The following COL4A4 variants were observed in gnomAD, a reference collection of about 807,000 sequenced individuals.
COL4A4 encodes the protein collagen alpha-4(IV) chain.
COL4A4 carries 105 observed loss-of-function variants against 192.9 expected under a neutral mutation model. That is an observed-to-expected ratio of 0.54 (90% CI 0.46 to 0.64). COL4A4 has a LOEUF of 0.64. COL4A4 is among the 30% of genes least tolerant of loss of function. COL4A4 has a pLI of 0.00. For missense variants in COL4A4, 1,967 were observed against 2,169.3 expected (o/e 0.91, Z 1.85); for synonymous variants, 762 against 769.9 (o/e 0.99, Z 0.17).
chr2:227,113,916 G>T (rs754849555), intron 8 of COL4A4, among the ~76,000 whole-genome samples: 3 of 152,154 alleles, frequency 2.0e-5, no homozygotes, highest in Non-Finnish European at 4.4e-5. Flanking sequence ...AACATGGGCT[G>T]TATTTTCCTG....
chr2:227,051,261 A>G, intron 32 of COL4A4, 103 bp from the exon 33 acceptor site: 4 of 1,212,982 alleles, frequency 3.3e-6, no homozygotes, highest in Non-Finnish European at 4.9e-6. Context: ...AGCCAAAGGT[A>G]TTGAGGATTC....
In COL4A4 at chr2:227,060,382, G is replaced by A. The variant is rs1467500902; in HGVS notation, c.2057-139C>T. 273 of 610,258 alleles carry A rather than the reference G, an allele frequency of 4.5e-4. 1 individual carries two copies. Among genetic ancestry groups the A allele is most frequent in the Non-Finnish European group, 2.5e-5 (9 of 355,222 alleles). The allele number at this position is 610,258 out of a possible 1,614,324, so 37.8% of individuals were successfully genotyped here. A position where few individuals can be genotyped will look rare whatever the true frequency, so the allele number is the denominator to read the frequency against. On this transcript the variant is annotated intron_variant, in intron 26 of 47. Transcript: ENST00000396625. ...TGGAAGTAAGGATGTTGCCTATCCC[G>A]ATTTACAAAAATATATTGTAAGTCA...
At chr2:227,080,603 GGATA>G in intron 23 of COL4A4, 54 bp from the exon 24 acceptor site, 1 of 1,453,698 alleles carries the variant, frequency 6.9e-7, no homozygotes, top group Non-Finnish European at 9.6e-7. Context: ...GGGTAAAGTA[GGATA>G]GAGAGGACAA....
intron 42 of COL4A4, among the ~76,000 whole-genome samples, chr2:227,027,227 G>A (rs538086162): frequency 4.6e-4 from 68 of 148,068 alleles, no homozygotes; most frequent in Middle Eastern, 3.6e-3. Flanking sequence ...ACTCCAGCCT[G>A]GATGACAGAG....
Position 227,055,927 on chromosome 2 carries a change from G to A in COL4A4, c.2716+18C>T, listed in dbSNP as rs1409399959. 6.2e-7 allele frequency: 1 copy of A among 1,608,238 alleles called. No individual in the cohort carries two copies. Among genetic ancestry groups the A allele is most frequent in the Non-Finnish European group, 8.5e-7 (1 of 1,176,910 alleles). Reference sequence around the variant, plus strand: ...TGTTTCTAAGATGGGAGGACATCATGGAAAAAGCACTACCTACCCTTTGGA... The same window carrying A: ...TGTTTCTAAGATGGGAGGACATCATAGAAAAAGCACTACCTACCCTTTGGA... On this transcript the variant is annotated intron_variant, in intron 30 of 47. Transcript: ENST00000396625.
At chr2:226,995,739 A>C in the COL4A4 span, 1 of 570,818 alleles carries the variant, frequency 1.8e-6, no homozygotes, top group Non-Finnish European at 3.1e-6. Flanking sequence ...TCTTGCTCAT[A>C]AACAGGTCAC....
At chr2:227,101,446 G>T (rs1259246689) in intron 17 of COL4A4, 58 bp downstream of exon 17, 4 of 1,282,154 alleles carry the variant, frequency 3.1e-6, no homozygotes, top group Non-Finnish European at 4.3e-6. Flanking sequence ...AAATAAATTA[G>T]ATAATATTAA....
At chr2:226,995,824 C>A in the COL4A4 span, 1 of 353,726 alleles carries the variant, frequency 2.8e-6, no homozygotes. Flanking sequence ...CCTCGGTCTG[C>A]TTTTGAAGAC....
At chr2:226,985,810 T>A in the COL4A4 span, among the ~76,000 whole-genome samples, 1 of 152,246 alleles carries the variant, frequency 6.6e-6, no homozygotes, top group Admixed American at 6.5e-5. Context: ...TCCAGACCAC[T>A]ATATCCTACT....
At chr2:227,017,241 T>C (rs1965083193) in intron 44 of COL4A4, among the ~76,000 whole-genome samples, 1 of 152,186 alleles carries the variant, frequency 6.6e-6, no homozygotes, top group South Asian at 2.1e-4. Context: ...CCAGACGTTA[T>C]CACGTGGGCT....
intron 4 of COL4A4, among the ~76,000 whole-genome samples, chr2:227,133,998 T>TA (rs2062655825): frequency 6.6e-6 from 1 of 152,246 alleles, no homozygotes; most frequent in South Asian, 2.1e-4. Flanking sequence ...GCAAGTTTTT[T>TA]ATTCTTCAGA....
intron 44 of COL4A4, among the ~76,000 whole-genome samples, 184 bp from the exon 45 acceptor site, chr2:227,012,481 T>G (rs1327979258): frequency 6.6e-6 from 1 of 152,150 alleles, no homozygotes; most frequent in Non-Finnish European, 1.5e-5. Flanking sequence ...CCACTTGCAG[T>G]TGGCGTAACT....
At chr2:226,988,381 A>G in the COL4A4 span, 1 of 1,550,476 alleles carries the variant, frequency 6.4e-7, no homozygotes, top group Non-Finnish European at 8.7e-7. Context: ...ACCCCAAGAT[A>G]AAGGTCAGAA....
chr2:227,094,364 T>C (rs2150689085), intron 19 of COL4A4, 75 bp from the exon 20 acceptor site: 1 of 1,464,858 alleles, frequency 6.8e-7, no homozygotes, highest in African/African-American at 1.4e-5. Context: ...TCAAGATTGG[T>C]ACACACTTGC....
intron 30 of COL4A4, 59 bp downstream of exon 30, chr2:227,055,886 T>G: frequency 6.7e-7 from 1 of 1,490,420 alleles, no homozygotes; most frequent in Non-Finnish European, 9.3e-7. Flanking sequence ...CAGTCTTCAC[T>G]TGGCAGTGGA....
chr2:227,099,126 G>T (rs1157985398), intron 18 of COL4A4, among the ~76,000 whole-genome samples: 1 of 152,158 alleles, frequency 6.6e-6, no homozygotes, highest in Admixed American at 6.5e-5. Flanking sequence ...AGGCAGGAGT[G>T]CATGATCTCA....
chr2:227,154,849 A>G (rs1024760219), intron 1 of COL4A4, among the ~76,000 whole-genome samples: 1 of 152,218 alleles, frequency 6.6e-6, no homozygotes, highest in Non-Finnish European at 1.5e-5. Context: ...TTTTCTGTTC[A>G]GAGTCAACCT....
In COL4A4 at chr2:227,066,992, C is replaced by T. The variant is rs917779607; in HGVS notation, c.1988-4394G>A. 9.7e-4 allele frequency among the ~76,000 whole-genome samples: 143 copies of T among 147,990 alleles called. 1 individual carries two copies. Among genetic ancestry groups the T allele is most frequent in the African/African-American group, 3.4e-3 (137 of 39,832 alleles). On this transcript the variant is annotated intron_variant, in intron 25 of 47. Coordinates refer to ENST00000396625, the MANE Select transcript of COL4A4 (RefSeq NM_000092.5). ...AACCCATCTCACGTGCAGAGACACA[C>T]ATAGGCTCAAAATAAAAGGATGGAG... is the stretch of plus-strand genomic sequence containing the variant.
At chr2:227,111,569 C>T (rs546076656) in intron 9 of COL4A4, 109 bp downstream of exon 9, 3 of 1,183,216 alleles carry the variant, frequency 2.5e-6, no homozygotes, top group African/African-American at 3.0e-5. Flanking sequence ...TTTCATTTTG[C>T]ACTAGGTGAG....
Sources: gnomAD v4.1 joint callset for allele counts (sites outside exome capture counted in the v4.1 genomes callset) on GRCh38, gnomAD v4.1.1 for gene constraint, MANE v1.5 for transcripts, NCBI Gene and HGNC (gene_info 2026-07-23, HGNC 2026-07-21) for gene names.